Variants in ERC2 observed in about 807,000 individuals in gnomAD.
The protein encoded by ERC2 is ELKS/RAB6-interacting/CAST family member 2.
ERC2 carries 42 observed loss-of-function variants against 114.8 expected under a neutral mutation model. The ratio of observed to expected loss-of-function variants is 0.37; its 90% CI spans 0.29 to 0.47. The LOEUF is 0.47. ERC2 is among the 20% of genes least tolerant of loss of function. The pLI is 0.99. For synonymous variants in ERC2, 454 were observed against 425.5 expected, an observed-to-expected ratio of 1.07 and a Z score of -0.82; for missense variants, 939 against 1,150.7, an observed-to-expected ratio of 0.82 and a Z score of 2.66.
intron 6 of ERC2, among the ~76,000 whole-genome samples, chr3:56,114,413 C>T (rs140748000): frequency 1.3e-3 from 205 of 152,200 alleles, no homozygotes; most frequent in African/African-American, 4.7e-3. Context: ...TTCCATTCAA[C>T]CCTTACGAAA....
chr3:55,583,544 T>TTC lies in ERC2; in HGVS notation c.*40-72269_*40-72268insGA, dbSNP rs2057422581. Among the ~76,000 whole-genome samples the TTC allele has an allele frequency of 2.5e-3, 96 of 39,048 alleles. 13 individuals carry two copies. Among genetic ancestry groups the TTC allele is most frequent in the African/African-American group, 0.01 (73 of 7,036 alleles). 25.6% of individuals were successfully genotyped at this position (39,048 alleles called of 152,430 possible). On this transcript the variant is annotated intron_variant, in intron 17 of 17. Coordinates refer to ENST00000288221, the MANE Select transcript of ERC2 (RefSeq NM_015576.3). Reference sequence around the variant, plus strand: ...CCCTCCCTTCCTTCCTTCCTTCCTTTCTTCCTTCCTTCCTTCCTTCCTTCC... The same window carrying TTC: ...CCCTCCCTTCCTTCCTTCCTTCCTTTTCCTTCCTTCCTTCCTTCCTTCCTTCC...
At chr3:55,766,216 G>A (rs1559620125) in intron 14 of ERC2, among the ~76,000 whole-genome samples, 1 of 150,520 alleles carries the variant, frequency 6.6e-6, no homozygotes, top group Non-Finnish European at 1.5e-5. Context: ...CCCATTTGGA[G>A]AGGGGGCATC....
chr3:55,838,201 C>T (rs2060982654), intron 14 of ERC2, among the ~76,000 whole-genome samples: 1 of 151,912 alleles, frequency 6.6e-6, no homozygotes, highest in Non-Finnish European at 1.5e-5. Flanking sequence ...CATTATTAAC[C>T]ACTTTGACTT....
chr3:56,044,181 T>C (rs2149668832), intron 7 of ERC2, among the ~76,000 whole-genome samples: 1 of 152,236 alleles, frequency 6.6e-6, no homozygotes, highest in Non-Finnish European at 1.5e-5. Flanking sequence ...TTCAAGAGAG[T>C]TTGTTCTTCA....
At chr3:56,147,307 C>T (rs570605089) in intron 5 of ERC2, among the ~76,000 whole-genome samples, 1 of 152,296 alleles carries the variant, frequency 6.6e-6, no homozygotes, top group South Asian at 2.1e-4. Flanking sequence ...TTATTCTAAA[C>T]TTTGAGGCAG....
chr3:56,151,063 G>A (rs563019845), intron 4 of ERC2, among the ~76,000 whole-genome samples: 7 of 152,138 alleles, frequency 4.6e-5, no homozygotes, highest in African/African-American at 1.7e-4. Context: ...CCCTAATCTC[G>A]GCCTTCTAGC....
At chr3:56,154,347 ATCTAATTC>A (rs2081582184) in intron 4 of ERC2, among the ~76,000 whole-genome samples, 13 of 152,216 alleles carry the variant, frequency 8.5e-5, no homozygotes, top group African/African-American at 2.9e-4. Flanking sequence ...ATTAGATGGT[ATCTAATTC>A]TTTATGGCAA....
At chr3:55,837,054 G>A (rs1195677037) in intron 14 of ERC2, among the ~76,000 whole-genome samples, 1 of 152,156 alleles carries the variant, frequency 6.6e-6, no homozygotes, top group Non-Finnish European at 1.5e-5. Flanking sequence ...ACCACAATGA[G>A]ATACCATCTC....
intron 3 of ERC2, among the ~76,000 whole-genome samples, chr3:56,207,209 C>G (rs2048789173): frequency 6.6e-6 from 1 of 151,818 alleles, no homozygotes; most frequent in African/African-American, 2.4e-5. Context: ...AATATTATGT[C>G]TATTTCAATT....
chr3:55,908,359 G>C (rs1260125984), intron 13 of ERC2, among the ~76,000 whole-genome samples: 3 of 152,088 alleles, frequency 2.0e-5, no homozygotes, highest in Non-Finnish European at 4.4e-5. Flanking sequence ...CTAGAGTTTT[G>C]TCAAGCAGGG....
chr3:56,130,579 C>A (rs1279730507), intron 6 of ERC2, among the ~76,000 whole-genome samples: 1 of 152,150 alleles, frequency 6.6e-6, no homozygotes, highest in Non-Finnish European at 1.5e-5. Context: ...ATAACAACAA[C>A]AAAAGTACTA....
At chr3:56,106,768 T>C (rs2078687312) in intron 6 of ERC2, among the ~76,000 whole-genome samples, 1 of 152,220 alleles carries the variant, frequency 6.6e-6, no homozygotes, top group Non-Finnish European at 1.5e-5. Flanking sequence ...TTTATCAGCA[T>C]TCTTGTGCTA....
Position 56,146,291 on chromosome 3 carries a change from C to G in ERC2, c.1305+2686G>C, listed in dbSNP as rs1168301120. ...GACAGAGTGAGACCCTGCCTCAAAA[C>G]AAACGAACAAAAAAAACCAAGTAGG... is the stretch of plus-strand genomic sequence containing the variant. On this transcript the variant is annotated intron_variant, in intron 5 of 17. Coordinates refer to ENST00000288221, the MANE Select transcript of ERC2 (RefSeq NM_015576.3). 7.3e-5 allele frequency among the ~76,000 whole-genome samples: 11 copies of G among 151,712 alleles called. 1 individual carries two copies. Among genetic ancestry groups the G allele is most frequent in the Non-Finnish European group, 1.6e-4 (11 of 67,908 alleles).
At chr3:55,565,968 A>T (rs2056344230) in intron 17 of ERC2, among the ~76,000 whole-genome samples, 1 of 152,180 alleles carries the variant, frequency 6.6e-6, no homozygotes, top group African/African-American at 2.4e-5. Flanking sequence ...CTTCTTCCTT[A>T]TATCTCAAAT....
chr3:56,412,366 G>C (rs1452071484), intron 2 of ERC2, among the ~76,000 whole-genome samples: 2 of 152,352 alleles, frequency 1.3e-5, no homozygotes, highest in Non-Finnish European at 2.9e-5. Context: ...GTGGTAGTTT[G>C]TTATGGCAAT....
At chr3:56,365,799 C>G (rs1476105620) in intron 2 of ERC2, among the ~76,000 whole-genome samples, 1 of 152,198 alleles carries the variant, frequency 6.6e-6, no homozygotes, top group African/African-American at 2.4e-5. Context: ...GCCTGTCTAG[C>G]CTGCAAAGCC....
chr3:55,989,188 G>A (rs1246974266), intron 11 of ERC2, among the ~76,000 whole-genome samples: 1 of 152,184 alleles, frequency 6.6e-6, no homozygotes, highest in Middle Eastern at 3.2e-3. Context: ...TTTAAGGGGA[G>A]GCAAAGGCAG....
At chr3:55,760,287 G>A (rs906584471) in intron 14 of ERC2, among the ~76,000 whole-genome samples, 4 of 152,036 alleles carry the variant, frequency 2.6e-5, no homozygotes, top group Non-Finnish European at 5.9e-5. Context: ...AAATGTAATC[G>A]TCTACTGTCT....
intron 4 of ERC2, among the ~76,000 whole-genome samples, chr3:56,154,403 G>T (rs1219969938): frequency 6.6e-6 from 1 of 152,134 alleles, no homozygotes; most frequent in African/African-American, 2.4e-5. Context: ...TAGATCAAAT[G>T]AAAAGCAACT....
Sources: gnomAD v4.1 joint callset for allele counts (sites outside exome capture counted in the v4.1 genomes callset) on GRCh38, gnomAD v4.1.1 for gene constraint, MANE v1.5 for transcripts, NCBI Gene and HGNC (gene_info 2026-07-23, HGNC 2026-07-21) for gene names.